Variants in HYDIN observed in about 807,000 individuals in gnomAD.
HYDIN encodes the protein HYDIN axonemal central pair apparatus protein, also known as axonemal central pair apparatus protein HYDIN.
HYDIN carries 132 observed loss-of-function variants against 403.9 expected under a neutral mutation model. That is an observed-to-expected ratio of 0.33 (90% CI 0.28 to 0.38). HYDIN has a LOEUF of 0.38. Among genes scored for constraint, HYDIN ranks in the 10% least tolerant of loss-of-function variants. The pLI, the probability that HYDIN is intolerant of heterozygous loss-of-function variation, is 1.00. For missense variants in HYDIN, 2,827 were observed against 5,009.5 expected, an observed-to-expected ratio of 0.56 and a Z score of 13.15; for synonymous variants, 1,202 against 1,891.7, an observed-to-expected ratio of 0.64 and a Z score of 9.46.
At chr16:70,995,375 G>A (rs1199339924) in intron 23 of HYDIN, among the ~76,000 whole-genome samples, 2 of 152,106 alleles carry the variant, frequency 1.3e-5, no homozygotes, top group Non-Finnish European at 2.9e-5. Flanking sequence ...AGAATCATGG[G>A]AGAAGCCAGG....
intron 77 of HYDIN, among the ~76,000 whole-genome samples, chr16:70,836,940 G>A (rs1229448820): frequency 6.6e-6 from 1 of 152,230 alleles, no homozygotes; most frequent in Non-Finnish European, 1.5e-5. Context: ...ACATTAGCTG[G>A]TAATGTCCTG....
chr16:71,163,007 T>C (rs933030642), intron 5 of HYDIN, among the ~76,000 whole-genome samples: 3 of 151,994 alleles, frequency 2.0e-5, no homozygotes, highest in Admixed American at 2.0e-4. Flanking sequence ...TGAAGGTCAG[T>C]GGAAGGCCAG....
chr16:71,098,716 A>G (rs1470054463), intron 10 of HYDIN, among the ~76,000 whole-genome samples: 1 of 141,800 alleles, frequency 7.1e-6, no homozygotes, highest in Non-Finnish European at 1.5e-5. Context: ...TCCATCTGTT[A>G]CCTTGACTGC....
intron 10 of HYDIN, among the ~76,000 whole-genome samples, chr16:71,105,017 TA>T (rs1404417382): frequency 1.5e-5 from 2 of 136,352 alleles, no homozygotes; most frequent in South Asian, 2.4e-4. Flanking sequence ...TTTGAGGTAA[TA>T]AAAAAAAGTC....
intron 8 of HYDIN, 85 bp downstream of exon 8, chr16:71,137,066 A>G (rs2084952615): frequency 2.1e-6 from 2 of 968,440 alleles, no homozygotes; most frequent in Non-Finnish European, 3.2e-6. Flanking sequence ...AAAATGTAGT[A>G]CAAAATTCAC....
intron 23 of HYDIN, among the ~76,000 whole-genome samples, chr16:71,003,685 G>A (rs1159823555): frequency 6.6e-6 from 1 of 151,808 alleles, no homozygotes; most frequent in African/African-American, 2.4e-5. Context: ...TGTAATCCCA[G>A]CTACTCAGGA....
Position 70,855,284 on chromosome 16 carries a change from G to C in HYDIN, c.12296-9C>G. The C allele has an allele frequency of 6.4e-7, 1 of 1,551,136 alleles. No individual in the cohort carries two copies. Among genetic ancestry groups the C allele is most frequent in the Non-Finnish European group, 8.7e-7 (1 of 1,152,654 alleles). On this transcript the variant is annotated splice_polypyrimidine_tract_variant and intron_variant, in intron 72 of 85. Coordinates refer to ENST00000393567, the MANE Select transcript of HYDIN (RefSeq NM_001270974.2). ...CTCCCTGGCTTCTCTGCCTGAGGAG[G>C]AAACACCAGCCCTTAGTGGGGGCCT...
At chr16:70,938,339 C>T (rs2077560673) in intron 44 of HYDIN, among the ~76,000 whole-genome samples, 1 of 152,244 alleles carries the variant, frequency 6.6e-6, no homozygotes, top group South Asian at 2.1e-4. Flanking sequence ...AGGCCAGTGG[C>T]CCCTCTTCCA....
chr16:71,049,424 CTG>C (rs1597642052), intron 18 of HYDIN, among the ~76,000 whole-genome samples: 1 of 152,208 alleles, frequency 6.6e-6, no homozygotes, highest in East Asian at 1.9e-4. Context: ...GTGACTGAAT[CTG>C]TGATTTCTCC....
intron 10 of HYDIN, among the ~76,000 whole-genome samples, chr16:71,112,506 G>T (rs1449700255): frequency 4.0e-5 from 6 of 151,640 alleles, no homozygotes; most frequent in Non-Finnish European, 7.4e-5. Context: ...CCACAGGGGG[G>T]AAATCAAAAG....
At chr16:71,062,543 G>C (rs1199304758) in intron 16 of HYDIN, 1 of 506,620 alleles carries the variant, frequency 2.0e-6, no homozygotes, top group Non-Finnish European at 3.5e-6. Context: ...AAAGTGCCCA[G>C]CACAGCAAGA....
chr16:70,918,107 A>G lies in HYDIN; in HGVS notation c.8004+104T>C, dbSNP rs535984850. ...AAGGGAAAATAACCCAGCGAGCAGA[A>G]CACCTCATGCCAGGCTCCATTTTTG... On this transcript the variant is annotated intron_variant, in intron 47 of 85. Transcript: ENST00000393567. 4.6e-6 allele frequency: 2 copies of G among 436,606 alleles called. 1 individual carries two copies. The highest frequency in any genetic ancestry group is 6.6e-5 in the Admixed American group (2 of 30,304). The allele number at this position is 436,606 out of a possible 1,614,324, so 27.0% of individuals were successfully genotyped here.
At chr16:71,176,369 A>G (rs1374712386) in intron 4 of HYDIN, among the ~76,000 whole-genome samples, 1 of 152,002 alleles carries the variant, frequency 6.6e-6, no homozygotes, top group Non-Finnish European at 1.5e-5. Flanking sequence ...CCTCACCCAC[A>G]TAATGGAGTT....
chr16:71,158,659 T>C (rs1476710478), intron 6 of HYDIN, among the ~76,000 whole-genome samples: 3 of 151,544 alleles, frequency 2.0e-5, no homozygotes, highest in Admixed American at 6.5e-5. Context: ...GGGAGACCAT[T>C]TTTTCAATTG....
intron 84 of HYDIN, among the ~76,000 whole-genome samples, chr16:70,813,324 A>G (rs1473259962): frequency 6.6e-6 from 1 of 151,254 alleles, no homozygotes; most frequent in African/African-American, 2.4e-5. Flanking sequence ...TGCCATGTTG[A>G]AAGCAGCTCT....
intron 46 of HYDIN, among the ~76,000 whole-genome samples, chr16:70,919,747 G>A (rs773215793): frequency 3.3e-5 from 5 of 149,992 alleles, no homozygotes; most frequent in Non-Finnish European, 5.9e-5. Flanking sequence ...CTACTTAGGA[G>A]GCTGAGGCAG....
chr16:71,224,359 G>A (rs949555404), intron 1 of HYDIN, among the ~76,000 whole-genome samples: 1 of 152,058 alleles, frequency 6.6e-6, no homozygotes, highest in Non-Finnish European at 1.5e-5. Context: ...CAGGTGACAG[G>A]TACACTGAAA....
intron 1 of HYDIN, among the ~76,000 whole-genome samples, chr16:71,220,393 G>C (rs2089137560): frequency 6.6e-6 from 1 of 152,048 alleles, no homozygotes. Context: ...ACTCTAATTT[G>C]GCCTTGTATA....
At chr16:70,855,443 G>A (rs1324014207) in intron 72 of HYDIN, among the ~76,000 whole-genome samples, 168 bp from the exon 73 acceptor site, 79 of 152,266 alleles carry the variant, frequency 5.2e-4, no homozygotes, top group African/African-American at 1.6e-3. Context: ...TCCTTCTTTC[G>A]GGGATTCCAT....
Sources: gnomAD v4.1 joint callset for allele counts (sites outside exome capture counted in the v4.1 genomes callset) on GRCh38, gnomAD v4.1.1 for gene constraint, MANE v1.5 for transcripts, NCBI Gene and HGNC (gene_info 2026-07-23, HGNC 2026-07-21) for gene names.